Variants in PARP2 observed in about 807,000 individuals in gnomAD.
The protein encoded by PARP2 is poly [ADP-ribose] polymerase 2.
A neutral mutation model predicts 77.8 loss-of-function variants in PARP2; 57 were observed. That is an observed-to-expected ratio of 0.73 (90% CI 0.59 to 0.91). The LOEUF (loss-of-function observed/expected upper bound fraction) is 0.91, where lower values mean the gene tolerates loss of function less well. Among genes scored for constraint, PARP2 ranks in the 40% least tolerant of loss-of-function variants. The pLI is 0.00. For missense variants in PARP2, 651 were observed against 689.0 expected (o/e 0.94, Z 0.62); for synonymous variants, 226 against 242.6 (o/e 0.93, Z 0.64).
chr14:20,356,963 G>A (rs930949645), intron 13 of PARP2, 88 bp from the exon 14 acceptor site: 2 of 869,046 alleles, frequency 2.3e-6, no homozygotes, highest in South Asian at 2.7e-5. Context: ...TGTGTTTAAG[G>A]GAATGGAAAA....
Position 20,354,912 on chromosome 14 carries a change from C to T in PARP2, c.867C>T (p.Cys289=), listed in dbSNP as rs1295319748. 2 of 1,613,886 alleles carry T rather than the reference C, an allele frequency of 1.2e-6. No individual in the cohort carries two copies. Among genetic ancestry groups the T allele is most frequent in the East Asian group, 2.2e-5 (1 of 44,868 alleles). ...GQHGRALMEA[C]NEFYTRIPHD... ...ATGGACGAGCTCTCATGGAAGCATGCAATGAATTCTACACCAGGATTCCGC... is the reference window on the plus strand; with the variant it reads ...ATGGACGAGCTCTCATGGAAGCATGTAATGAATTCTACACCAGGATTCCGC... The change falls in exon 9 of 16, where the codon TGC becomes TGT. Residue 289 remains cysteine, a synonymous_variant. Transcript: ENST00000429687.
intron 2 of PARP2, 21 bp downstream of exon 2, chr14:20,345,108 G>A (rs1594294672): frequency 8.1e-6 from 13 of 1,613,672 alleles, no homozygotes; most frequent in East Asian, 2.2e-5. Flanking sequence ...AAGGTCATGG[G>A]CCAGCAAAAG....
intron 7 of PARP2, among the ~76,000 whole-genome samples, 199 bp from the exon 8 acceptor site, chr14:20,353,886 G>A (rs1884047346): frequency 6.6e-6 from 1 of 152,094 alleles, no homozygotes; most frequent in Non-Finnish European, 1.5e-5. Context: ...TGGATTCAAT[G>A]AACTGAGAAT....
Position 20,351,051 on chromosome 14 carries a change from G to A in PARP2, c.426G>A (p.Gly142=). 1 of 1,613,676 alleles carries A rather than the reference G, an allele frequency of 6.2e-7. No homozygotes were observed. Among genetic ancestry groups the A allele is most frequent in the East Asian group, 2.2e-5 (1 of 44,876 alleles). The change falls in exon 6 of 16, where the codon GGG becomes GGA. Residue 142 remains glycine (G), a synonymous_variant. Coordinates refer to ENST00000429687, the MANE Select transcript of PARP2 (RefSeq NM_001042618.2). ...FSVWMRWGRV[G]KMGQHSLVAC... ...TGTGTGGCATTTCCTTTGCAGTTGG[G>A]AAAATGGGACAGCACAGCCTGGTGG...
At position 20,345,008 on chromosome 14, in the gene PARP2, A is replaced by T. The variant is rs777279053; in HGVS notation, c.123A>T (p.Arg41Ser). 1.9e-6 allele frequency: 3 copies of T among 1,613,948 alleles called. No individual in the cohort carries two copies. The highest frequency in any genetic ancestry group is 2.5e-6 in the Non-Finnish European group (3 of 1,179,900). ...CTTCCCCTGCCAAGAAAACTCGTAGATGCCAGAGACAGGAGTCGAAAAAGA... is the reference window on the plus strand; with the variant it reads ...CTTCCCCTGCCAAGAAAACTCGTAGTTGCCAGAGACAGGAGTCGAAAAAGA... Reference protein sequence around the residue: ...EDSSPAKKTRRCQRQESKKMP... With the variant: ...EDSSPAKKTRSCQRQESKKMP... Residue 41 changes from arginine to serine, a missense_variant, in exon 2 of 16, where the codon AGA becomes AGT. Physicochemically the swap from Arg to Ser is moderately radical, Grantham distance 110. Coordinates refer to ENST00000429687, the MANE Select transcript of PARP2 (RefSeq NM_001042618.2).
At chr14:20,345,213 G>T in intron 2 of PARP2, 126 bp downstream of exon 2, 1 of 1,147,234 alleles carries the variant, frequency 8.7e-7, no homozygotes, top group East Asian at 2.4e-5. Flanking sequence ...TCTATCCTTT[G>T]GGCATACCAC....
chr14:20,352,025 A>G (rs1179513631), intron 6 of PARP2, among the ~76,000 whole-genome samples: 1 of 152,210 alleles, frequency 6.6e-6, no homozygotes, highest in African/African-American at 2.4e-5. Flanking sequence ...GGGAAGGACA[A>G]GCATTGTTTT....
At position 20,354,862 on chromosome 14, in the gene PARP2, G is replaced by T; in HGVS notation, c.817G>T (p.Glu273Ter). Residue 273 changes from glutamate (E) to a stop codon, truncating the protein, a stop_gained, in exon 9 of 16, where the codon GAG (glutamate) becomes TAG (stop). Transcript: ENST00000429687. LOFTEE classifies it high-confidence loss of function. ...KAGYQSLKKI[E>*]DCIRAGQHGR... is the part of the protein sequence containing the mutation. ...AGGTTACCAGTCTCTTAAGAAGATT[G>T]AGGATTGTATTCGGGCTGGCCAGCA... The T allele has an allele frequency of 6.2e-7, 1 of 1,614,040 alleles. No homozygotes were observed. The highest frequency in any genetic ancestry group is 2.2e-5 in the East Asian group (1 of 44,886).
At chr14:20,350,789 A>G (rs2138932127) in intron 5 of PARP2, 167 bp downstream of exon 5, 1 of 613,342 alleles carries the variant, frequency 1.6e-6, no homozygotes, top group East Asian at 2.7e-5. Context: ...AATGGCAGGC[A>G]TCCTCCTTAG....
chr14:20,347,943 A>G (rs2138924407), intron 4 of PARP2, among the ~76,000 whole-genome samples: 1 of 151,178 alleles, frequency 6.6e-6, no homozygotes, highest in Non-Finnish European at 1.5e-5. Context: ...GTACAGTCAT[A>G]GCCCACTGCA....
chr14:20,346,319 ATCTTTTT>A (rs1322643269), intron 3 of PARP2, among the ~76,000 whole-genome samples: 1 of 129,360 alleles, frequency 7.7e-6, no homozygotes, highest in Non-Finnish European at 1.6e-5. Context: ...CTCAGTTAGA[ATCTTTTT>A]TTTTTTTTTT....
At chr14:20,355,650 T>C (rs1276608996) in intron 9 of PARP2, 102 bp from the exon 10 acceptor site, 2 of 804,876 alleles carry the variant, frequency 2.5e-6, no homozygotes, top group East Asian at 5.2e-5. Context: ...CTGTTTCTCA[T>C]ACCTGTTTTC....
At chr14:20,350,774 T>A in intron 5 of PARP2, 152 bp downstream of exon 5, 1 of 618,476 alleles carries the variant, frequency 1.6e-6, no homozygotes, top group Non-Finnish European at 2.9e-6. Context: ...ATCTTGAAAT[T>A]GGGGAATGGC....
At chr14:20,348,032 C>G (rs1392221317) in intron 4 of PARP2, among the ~76,000 whole-genome samples, 1 of 152,050 alleles carries the variant, frequency 6.6e-6, no homozygotes, top group Non-Finnish European at 1.5e-5. Flanking sequence ...TGCCACAAAG[C>G]CTGACTAATT....
At chr14:20,350,486 C>A in intron 4 of PARP2, 40 bp from the exon 5 acceptor site, 1 of 1,126,166 alleles carries the variant, frequency 8.9e-7, no homozygotes, top group Non-Finnish European at 1.3e-6. Flanking sequence ...TTTCCATTTG[C>A]AAAACTCCTT....
In PARP2 at chr14:20,357,902, C is replaced by T. The variant is rs1483393072; in HGVS notation, c.*105C>T. 2.1e-6 allele frequency: 2 copies of T among 939,852 alleles called. No homozygotes were observed. The highest frequency in any genetic ancestry group is 5.4e-5 in the Admixed American group (2 of 37,016). 58.2% of individuals were successfully genotyped at this position (939,852 alleles called of 1,614,324 possible). On this transcript the variant is annotated 3_prime_UTR_variant, in exon 16 of 16. Transcript: ENST00000429687. ...TTTATGTAATAAAAACTGTACAGGT[C>T]TACCACTGGCTTCTTCGGGCTTTAT...
chr14:20,345,178 C>A lies in PARP2; in HGVS notation c.202+91C>A. 4.2e-6 allele frequency: 6 copies of A among 1,427,374 alleles called. No individual in the cohort carries two copies. In the South Asian group the frequency reaches 5.9e-5, roughly 14 times the overall value. 88.4% of individuals were successfully genotyped at this position (1,427,374 alleles called of 1,614,324 possible). On this transcript the variant is annotated intron_variant, in intron 2 of 15. Coordinates refer to ENST00000429687, the MANE Select transcript of PARP2 (RefSeq NM_001042618.2). Reference sequence around the variant, plus strand: ...TTGTTATTTCAACTCCTATTTCGTCCTTCTTTCAGGGAATAATTAATTTCT... The same window carrying A: ...TTGTTATTTCAACTCCTATTTCGTCATTCTTTCAGGGAATAATTAATTTCT...
intron 7 of PARP2, 44 bp from the exon 8 acceptor site, chr14:20,354,041 T>A (rs779891520): frequency 2.0e-6 from 3 of 1,481,944 alleles, no homozygotes; most frequent in Non-Finnish European, 2.8e-6. Context: ...AATCTAGAGA[T>A]GATTTCTTAG....
chr14:20,346,744 A>G, intron 3 of PARP2, 119 bp from the exon 4 acceptor site: 1 of 690,410 alleles, frequency 1.4e-6, no homozygotes, highest in Non-Finnish European at 2.6e-6. Flanking sequence ...TCCTTGGGAG[A>G]TGAATGTTGA....
Sources: allele counts gnomAD v4.1 joint callset (sites outside exome capture counted in the v4.1 genomes callset), GRCh38; gene constraint gnomAD v4.1.1; transcripts MANE v1.5; gene names NCBI Gene and HGNC (gene_info 2026-07-23, HGNC 2026-07-21).